PAK5: variants seen among roughly 807,000 people sequenced by gnomAD.
PAK5 encodes serine/threonine-protein kinase PAK 5.
In PAK5, 16 loss-of-function variants were observed where a neutral mutation model predicts 65.9. The observed-to-expected ratio is 0.24, with a 90% CI of 0.16 to 0.37. The LOEUF (loss-of-function observed/expected upper bound fraction) is 0.37, where lower values mean the gene tolerates loss of function less well. Among genes scored for constraint, PAK5 ranks in the 10% least tolerant of loss-of-function variants. The pLI, the probability that PAK5 is intolerant of heterozygous loss-of-function variation, is 1.00. For synonymous variants in PAK5, 371 were observed against 354.9 expected (o/e 1.05, Z -0.51); for missense variants, 785 against 903.9 (o/e 0.87, Z 1.69).
intron 3 of PAK5, among the ~76,000 whole-genome samples, chr20:9,631,771 C>A (rs12624753): frequency 1.3e-5 from 2 of 152,012 alleles, no homozygotes; most frequent in Admixed American, 6.6e-5. Context: ...CTAGCAAACA[C>A]TTAGACAGGT....
intron 3 of PAK5, among the ~76,000 whole-genome samples, chr20:9,621,584 A>G (rs927061264): frequency 6.6e-6 from 1 of 152,194 alleles, no homozygotes; most frequent in Non-Finnish European, 1.5e-5. Flanking sequence ...TCTAAGAATG[A>G]AAAAAACTCT....
chr20:9,800,081 T>C (rs1012633509), intron 1 of PAK5, among the ~76,000 whole-genome samples: 2 of 152,104 alleles, frequency 1.3e-5, no homozygotes, highest in African/African-American at 4.8e-5. Flanking sequence ...ACAAGTTTTA[T>C]TACAATCTAT....
chr20:9,826,622 C>G (rs1261515019), intron 1 of PAK5, among the ~76,000 whole-genome samples: 2 of 152,150 alleles, frequency 1.3e-5, no homozygotes, highest in Admixed American at 1.3e-4. Context: ...TGACTAGAAG[C>G]CTGAAAAGCC....
intron 2 of PAK5, among the ~76,000 whole-genome samples, chr20:9,669,976 C>T (rs2047473262): frequency 6.6e-6 from 1 of 151,840 alleles, no homozygotes; most frequent in East Asian, 1.9e-4. Context: ...TCCTGTATGT[C>T]CATGTGTTTT....
chr20:9,650,323 CTCT>C (rs2047187003), intron 2 of PAK5, among the ~76,000 whole-genome samples: 1 of 152,120 alleles, frequency 6.6e-6, no homozygotes, highest in Non-Finnish European at 1.5e-5. Context: ...CAGATTCAGT[CTCT>C]TCTCTTCTCT....
chr20:9,745,875 T>TA (rs5840329), intron 1 of PAK5, among the ~76,000 whole-genome samples: 35,158 of 150,710 alleles, frequency 0.23, 4,405 homozygotes, highest in East Asian at 0.33. Context: ...ATGTAACAAC[T>TA]AAAAAAAAAG....
intron 2 of PAK5, among the ~76,000 whole-genome samples, chr20:9,693,072 G>A (rs529281244): frequency 1.1e-4 from 16 of 152,196 alleles, no homozygotes; most frequent in Non-Finnish European, 1.8e-4. Context: ...TTTATTCTGA[G>A]TGTCCTGCAG....
At chr20:9,693,476 T>A (rs1049717969) in intron 2 of PAK5, among the ~76,000 whole-genome samples, 3 of 151,706 alleles carry the variant, frequency 2.0e-5, no homozygotes, top group African/African-American at 7.3e-5. Flanking sequence ...TCCCTCTCTC[T>A]CTCTCTCACA....
chr20:9,616,013 T>C (rs759877816), intron 3 of PAK5, among the ~76,000 whole-genome samples: 1 of 152,194 alleles, frequency 6.6e-6, no homozygotes, highest in Non-Finnish European at 1.5e-5. Context: ...GAGTAACTTC[T>C]TCCCCATTCT....
At chr20:9,665,085 G>GATTTTTTTTTTTTTTTTTTTTT (rs1555910638) in intron 2 of PAK5, among the ~76,000 whole-genome samples, 1 of 98,920 alleles carries the variant, frequency 1.0e-5, no homozygotes, top group South Asian at 4.3e-4. Flanking sequence ...AAATTTTTCT[G>GATTTTTTTTTTTTTTTTTTTTT]TTTTTTTTTT....
chr20:9,693,620 T>C (rs2047827912), intron 2 of PAK5, among the ~76,000 whole-genome samples: 1 of 152,192 alleles, frequency 6.6e-6, no homozygotes, highest in African/African-American at 2.4e-5. Context: ...AATTTCAATG[T>C]AGTTCTGCAG....
At chr20:9,548,103 G>A (rs1031254562) in intron 7 of PAK5, among the ~76,000 whole-genome samples, 5 of 152,046 alleles carry the variant, frequency 3.3e-5, no homozygotes, top group African/African-American at 9.7e-5. Flanking sequence ...GTGCCTTTTC[G>A]TGTCGCCAAT....
At chr20:9,593,975 G>A (rs1470013884) in intron 3 of PAK5, among the ~76,000 whole-genome samples, 2 of 152,242 alleles carry the variant, frequency 1.3e-5, no homozygotes, top group Non-Finnish European at 2.9e-5. Flanking sequence ...AAGGCAGTGA[G>A]AGATTCCGCT....
chr20:9,714,300 A>G (rs985022500), intron 1 of PAK5, among the ~76,000 whole-genome samples: 3 of 152,224 alleles, frequency 2.0e-5, no homozygotes, highest in Non-Finnish European at 2.9e-5. Flanking sequence ...CTAAATTCCT[A>G]GAAAATTTTT....
rs760127620 is a variant in PAK5 at position 9,580,341 on chromosome 20, T to C, written c.794A>G (p.Asp265Gly). ...CAGGTACGAAGACTTTGGCCTCCTGTCATAGTCATCCAGGCTGGGTCCCCA... is the reference window on the plus strand; with the variant it reads ...CAGGTACGAAGACTTTGGCCTCCTGCCATAGTCATCCAGGCTGGGTCCCCA... ...SEWGPSLDDY[D>G]RRPKSSYLNQ... Residue 265 changes from aspartate (D) to glycine (G), a missense_variant, in exon 4 of 10, where the codon GAC becomes GGC. By Grantham distance (94) the Asp-to-Gly change is moderately conservative. This residue lies in a region of PAK5 where 422 missense variants were observed against 413.3 expected (regional missense o/e 1.02). Coordinates refer to ENST00000353224, the MANE Select transcript of PAK5 (RefSeq NM_177990.4). The C allele has an allele frequency of 1.2e-6, 2 of 1,614,068 alleles. No individual in the cohort carries two copies. The highest frequency in any genetic ancestry group is 1.1e-5 in the South Asian group (1 of 91,082).
intron 2 of PAK5, among the ~76,000 whole-genome samples, chr20:9,652,056 T>C (rs895042968): frequency 6.6e-6 from 1 of 152,050 alleles, no homozygotes; most frequent in Non-Finnish European, 1.5e-5. Context: ...CGAAGAGAGA[T>C]TTTTCTTTTC....
chr20:9,766,473 ATG>A (rs1290904497), intron 1 of PAK5, among the ~76,000 whole-genome samples: 2 of 61,118 alleles, frequency 3.3e-5, no homozygotes, highest in African/African-American at 2.2e-4. Context: ...CAGAATATAT[ATG>A]TATATATATA....
At chr20:9,736,026 C>T (rs1044367018) in intron 1 of PAK5, among the ~76,000 whole-genome samples, 19 of 151,786 alleles carry the variant, frequency 1.3e-4, no homozygotes, top group East Asian at 3.9e-4. Flanking sequence ...CTCAGCCTCC[C>T]GAGTAGCTGG....
chr20:9,756,086 A>G (rs1569074893), intron 1 of PAK5, among the ~76,000 whole-genome samples: 1 of 152,188 alleles, frequency 6.6e-6, no homozygotes, highest in Non-Finnish European at 1.5e-5. Flanking sequence ...TGAAGGGAGA[A>G]AAAAAGAGAA....
Sources: gnomAD v4.1 joint callset for allele counts (sites outside exome capture counted in the v4.1 genomes callset) on GRCh38, gnomAD v4.1.1 for gene constraint, gnomAD v4.1.1 regional missense constraint, MANE v1.5 for transcripts, NCBI Gene and HGNC (gene_info 2026-07-23, HGNC 2026-07-21) for gene names.